The following SNX20 variants were observed in gnomAD, a reference collection of about 807,000 sequenced individuals.
The protein encoded by SNX20 is sorting nexin 20, also known as sorting nexin-20.
Under a neutral mutation model 24.5 loss-of-function variants are expected in SNX20, and 21 were observed. That is an observed-to-expected ratio of 0.86 (90% confidence interval 0.61 to 1.23). The LOEUF is 1.23. SNX20 is among the 50% of genes most tolerant of loss of function. The pLI is 0.00. For synonymous variants in SNX20, 206 were observed against 192.8 expected (o/e 1.07, Z -0.57); for missense variants, 433 against 430.8 (o/e 1.00, Z -0.04).
At chr16:50,678,334 G>A (rs1042328871) in intron 1 of SNX20, among the ~76,000 whole-genome samples, 1 of 152,188 alleles carries the variant, frequency 6.6e-6, no homozygotes, top group African/African-American at 2.4e-5. Context: ...TACCCATCTA[G>A]GTTCTCCATA....
downstream of SNX20, chr16:50,668,681 G>A (rs866007881): frequency 7.6e-6 from 8 of 1,052,690 alleles, no homozygotes; most frequent in Middle Eastern, 2.2e-3. Context: ...TTGCTGCATG[G>A]GGGCCAGGAA....
chr16:50,679,854 C>G (rs1365679596), intron 1 of SNX20, among the ~76,000 whole-genome samples: 1 of 152,196 alleles, frequency 6.6e-6, no homozygotes, highest in Non-Finnish European at 1.5e-5. Context: ...CTCAGCACTT[C>G]TGTAAAATGG....
chr16:50,677,586 G>T (rs916343701), intron 1 of SNX20, 51 bp from the exon 2 acceptor site: 15 of 1,444,560 alleles, frequency 1.0e-5, no homozygotes, highest in Middle Eastern at 2.7e-4. Flanking sequence ...TGGGGTTCCC[G>T]GTGGCTCCTG....
intron 2 of SNX20, among the ~76,000 whole-genome samples, chr16:50,676,808 C>G (rs1384607086): frequency 1.3e-5 from 2 of 152,258 alleles, no homozygotes; most frequent in Non-Finnish European, 2.9e-5. Flanking sequence ...CTCCAGTGCC[C>G]TGCATAGGGC....
In SNX20 at chr16:50,673,311, A is replaced by G; in HGVS notation, c.*95T>C. On this transcript the variant is annotated 3_prime_UTR_variant, in exon 4 of 4. Transcript: ENST00000330943. This position sits in a 1 kb window ranked among gnomAD's most constrained non-coding sequence, Gnocchi z 4.1. ...GCAAGACTGTCTCAAATAACAAAAA[A>G]GAAAAGGAAAAATAAAAAAAAAGAA... The G allele has an allele frequency of 7.1e-7, 1 of 1,399,158 alleles. No individual in the cohort carries two copies. Among genetic ancestry groups the G allele is most frequent in the Admixed American group, 2.8e-5 (1 of 35,228 alleles). The allele number at this position is 1,399,158 out of a possible 1,614,324, so 86.7% of individuals were successfully genotyped here.
chr16:50,666,347 C>T (rs1468873897), exon 4 of SNX20: 1 of 152,108 alleles, frequency 6.6e-6, no homozygotes, highest in Non-Finnish European at 1.5e-5. Flanking sequence ...CAGTTTTTGT[C>T]AACTAAAAAA....
At chr16:50,679,368 T>C (rs772133552) in intron 1 of SNX20, among the ~76,000 whole-genome samples, 1 of 152,164 alleles carries the variant, frequency 6.6e-6, no homozygotes, top group Non-Finnish European at 1.5e-5. Context: ...AGCTGGGGCC[T>C]GGAGCCTGCA....
intron 2 of SNX20, 48 bp downstream of exon 2, chr16:50,677,349 A>G (rs752452502): frequency 2.7e-6 from 4 of 1,491,994 alleles, no homozygotes; most frequent in Non-Finnish European, 3.6e-6. Flanking sequence ...TGTACTTTGA[A>G]TGTCTTCAGA....
Position 50,677,428 on chromosome 16 carries a change from G to A in SNX20, c.99C>T (p.Asp33=), listed in dbSNP as rs767381804. The A allele has an allele frequency of 5.0e-6, 8 of 1,608,618 alleles. No homozygotes were observed. Among genetic ancestry groups the A allele is most frequent in the East Asian group, 2.2e-5 (1 of 44,448 alleles). Residue 33 remains aspartate, a synonymous_variant, in exon 2 of 4, where the codon GAC becomes GAT. Coordinates refer to ENST00000330943, the MANE Select transcript of SNX20 (RefSeq NM_182854.4). ...GCCCGTCAGGTCCTGGGTGCGGGAG[G>A]TCGGGGCCAGTGGCTGGTGCTTCCT... ...TQQEAPATGP[D]LPHPGPDGHL... is the part of the protein sequence containing the mutation.
At chr16:50,677,918 G>A (rs1325244232) in intron 1 of SNX20, among the ~76,000 whole-genome samples, 1 of 152,190 alleles carries the variant, frequency 6.6e-6, no homozygotes, top group Non-Finnish European at 1.5e-5. Flanking sequence ...TGAAGTCTCA[G>A]TGTTCAAGTT....
chr16:50,670,626 G>T, downstream of SNX20: 1 of 152,592 alleles, frequency 6.6e-6, no homozygotes, highest in African/African-American at 2.4e-5. Flanking sequence ...GCTGCAGTGG[G>T]CCCTGCGGAA....
At chr16:50,676,715 C>G (rs1212678807) in intron 2 of SNX20, among the ~76,000 whole-genome samples, 1 of 152,254 alleles carries the variant, frequency 6.6e-6, no homozygotes, top group Non-Finnish European at 1.5e-5. Context: ...TTTCTCGTGG[C>G]ACGTGTAACT....
At chr16:50,675,700 A>G (rs1375700823) in intron 3 of SNX20, 70 bp downstream of exon 3, 2 of 1,585,728 alleles carry the variant, frequency 1.3e-6, no homozygotes, top group East Asian at 2.2e-5. Flanking sequence ...CTGAGGCTCT[A>G]CAAGACTTAT....
rs1963170062 is a variant in SNX20, at chr16:50,675,877, C to T, written c.175G>A (p.Glu59Lys). 2 of 1,612,304 alleles carry T rather than the reference C, an allele frequency of 1.2e-6. No individual in the cohort carries two copies. The highest frequency in any genetic ancestry group is 1.1e-5 in the South Asian group (1 of 90,894). The change falls in exon 3 of 4, where the codon GAG becomes AAG. Residue 59 changes from glutamate to lysine, a missense_variant. Glu to Lys is a moderately conservative substitution (Grantham distance 56, BLOSUM62 1). Transcript: ENST00000330943. ...LSSNSSMTTRELQQYWQNQKC... is the reference protein window; with the variant it reads ...LSSNSSMTTRKLQQYWQNQKC... ...TGGTTCTGCCAGTACTGCTGAAGCT[C>T]CCGCGTGGTCATGCTGGAGTTGGAG... is the stretch of plus-strand genomic sequence containing the variant.
chr16:50,668,805 C>T (rs956095378), downstream of SNX20: 73 of 1,267,318 alleles, frequency 5.8e-5, 1 homozygote, highest in African/African-American at 1.1e-3. Context: ...TTTTGCCACT[C>T]CAAAACAGAG....
At chr16:50,674,943 C>G (rs1191647699) in intron 3 of SNX20, among the ~76,000 whole-genome samples, 4 of 152,198 alleles carry the variant, frequency 2.6e-5, no homozygotes, top group Non-Finnish European at 5.9e-5. Context: ...CTACCATGGT[C>G]TAGCTGTGTG....
At chr16:50,668,069 A>C (rs2150757543), downstream of SNX20, 1 of 1,551,688 alleles carries the variant, frequency 6.4e-7, no homozygotes, top group East Asian at 2.4e-5. Flanking sequence ...AGAGTGGGCA[A>C]TCAAAGCTGA....
downstream of SNX20, chr16:50,668,004 G>A: frequency 6.4e-7 from 1 of 1,551,550 alleles, no homozygotes; most frequent in East Asian, 2.4e-5. Context: ...CTCCATCTGA[G>A]GGTCTTGATA....
downstream of SNX20, chr16:50,668,589 G>T: frequency 2.3e-5 from 23 of 1,015,978 alleles, no homozygotes; most frequent in Non-Finnish European, 2.6e-5. Flanking sequence ...GTGATTGATA[G>T]AACAGGCTGT....
Sources: allele counts gnomAD v4.1 joint callset (sites outside exome capture counted in the v4.1 genomes callset), GRCh38; gene constraint gnomAD v4.1.1; non-coding constraint Gnocchi (gnomAD v3.1); transcripts MANE v1.5; gene names NCBI Gene and HGNC (gene_info 2026-07-23, HGNC 2026-07-21).